Variants in ADPRHL1 observed in about 807,000 individuals in gnomAD.
ADPRHL1 encodes inactive ADP-ribosyltransferase ARH2.
ADPRHL1 carries 43 observed loss-of-function variants against 44.1 expected under a neutral mutation model. The ratio of observed to expected loss-of-function variants is 0.98; its 90% CI spans 0.76 to 1.26. The LOEUF (loss-of-function observed/expected upper bound fraction) is 1.26, where lower values mean the gene tolerates loss of function less well. ADPRHL1 is among the 50% of genes most tolerant of loss of function. ADPRHL1 has a pLI of 0.00. For synonymous variants in ADPRHL1, 878 were observed against 1,017.4 expected (o/e 0.86, Z 2.61); for missense variants, 2,022 against 2,496.9 (o/e 0.81, Z 4.05).
rs2043794141 is a variant in ADPRHL1, at chr13:113,404,771, G to C, written c.4511C>G (p.Ala1504Gly). 5 of 1,269,968 alleles carry C rather than the reference G, an allele frequency of 3.9e-6. No homozygotes were observed. The East Asian group carries it at 1.3e-4, about 32-fold the overall frequency. 78.7% of individuals were successfully genotyped at this position (1,269,968 alleles called of 1,614,324 possible). A position where few individuals can be genotyped will look rare whatever the true frequency, so the allele number is the denominator to read the frequency against. Residue 1504 changes from alanine (A) to glycine (G), a missense_variant, in exon 8 of 8, where the codon GCT (alanine) becomes GGT (glycine). By Grantham distance (60) the Ala-to-Gly change is moderately conservative. Transcript: ENST00000612156. ...EWDRGQVQGH[A>G]QEQAQWQTQI... ...GGTCTGCCACTGGGCCTGTTCTTGA[G>C]CGTGTCCCTGAACCTGTCCCCGGTC...
rs2043794329 is a variant in ADPRHL1 at position 113,404,784 on chromosome 13, C to T, written c.4498G>A (p.Val1500Ile). 1 of 1,258,662 alleles carries T rather than the reference C, an allele frequency of 7.9e-7. No individual in the cohort carries two copies. The highest frequency in any genetic ancestry group is 1.5e-5 in the African/African-American group (1 of 64,604). The allele number at this position is 1,258,662 out of a possible 1,614,324, so 78.0% of individuals were successfully genotyped here. ...GCCTGTTCTTGAGCGTGTCCCTGAA[C>T]CTGTCCCCGGTCCCATTCCTGAACC... ...KQVQEWDRGQ[V>I]QGHAQEQAQW... The change falls in exon 8 of 8, where the codon GTT becomes ATT. Residue 1500 changes from valine to isoleucine, a missense_variant. Physicochemically the swap from Val to Ile is conservative, Grantham distance 29 (BLOSUM62 3). Around this residue, in one of 8 missense-constraint regions of ADPRHL1, gnomAD observed 1,221 missense variants for 1,517.8 expected, o/e 0.80. Coordinates refer to ENST00000612156, the MANE Select transcript of ADPRHL1 (RefSeq NM_001394807.1).
rs2043756418 is a variant in ADPRHL1 at position 113,400,921 on chromosome 13, A to C, written c.*2457T>G. On this transcript the variant is annotated 3_prime_UTR_variant, in exon 8 of 8. Coordinates refer to ENST00000612156, the MANE Select transcript of ADPRHL1 (RefSeq NM_001394807.1). ...ATCATTTTTTCCACCACTTAAAATAAAACCACTCAATGCCTTCTCCAGTGT... is the reference window on the plus strand; with the variant it reads ...ATCATTTTTTCCACCACTTAAAATACAACCACTCAATGCCTTCTCCAGTGT... 1 of 152,242 alleles carries C rather than the reference A, an allele frequency of 6.6e-6. No homozygotes were observed. The highest frequency in any genetic ancestry group is 1.5e-5 in the Non-Finnish European group (1 of 68,046). 9.4% of individuals were successfully genotyped at this position (152,242 alleles called of 1,614,324 possible).
chr13:113,446,965 T>C (rs1331847457), intron 1 of ADPRHL1, among the ~76,000 whole-genome samples: 1 of 147,812 alleles, frequency 6.8e-6, no homozygotes, highest in Non-Finnish European at 1.5e-5. Flanking sequence ...GTGTTGTGTG[T>C]GCATGGTGTC....
intron 7 of ADPRHL1, among the ~76,000 whole-genome samples, chr13:113,415,750 CAAA>C (rs71214119): frequency 6.3e-5 from 4 of 63,044 alleles, no homozygotes; most frequent in East Asian, 5.0e-4. Flanking sequence ...GACTCCATCT[CAAA>C]AAAAAAAAAA....
intron 7 of ADPRHL1, among the ~76,000 whole-genome samples, chr13:113,419,244 C>G (rs1363443987): frequency 6.8e-6 from 1 of 146,222 alleles, no homozygotes; most frequent in Non-Finnish European, 1.5e-5. Flanking sequence ...GGAGCTGGGA[C>G]TACAGGCGCC....
rs2044098364 is a variant in ADPRHL1, at chr13:113,441,528, C to T, written c.379+2897G>A. ...GAACCTCACCGTCATCGGCTTCCAT[C>T]TCTCCCCTGCTAGCCTTCGTGCTAT... On this transcript the variant is annotated intron_variant, in intron 2 of 7. Coordinates refer to ENST00000612156, the MANE Select transcript of ADPRHL1 (RefSeq NM_001394807.1). The surrounding 1 kb of genome is among the most constrained non-coding windows in gnomAD (Gnocchi z 6.0). Among the ~76,000 whole-genome samples the T allele has an allele frequency of 2.0e-5, 3 of 152,202 alleles. No individual in the cohort carries two copies. In the South Asian group the frequency reaches 6.2e-4, roughly 32 times the overall value.
chr13:113,431,655 AC>A (rs2044008246), intron 3 of ADPRHL1, among the ~76,000 whole-genome samples: 3 of 152,180 alleles, frequency 2.0e-5, no homozygotes, highest in East Asian at 1.9e-4. Flanking sequence ...ATAAAATCAA[AC>A]CCTTAAAACA....
chr13:113,408,871 GGAGGGGGCTGCAGAGAGGAGGGAAA>G (rs2043829153), intron 7 of ADPRHL1, among the ~76,000 whole-genome samples: 1 of 150,828 alleles, frequency 6.6e-6, no homozygotes, highest in African/African-American at 2.4e-5. Context: ...GAGGAAGGGA[GGAGGGGGCTGCAGAGAGGAGGGAAA>G]GATGGGGCTA....
In ADPRHL1 at chr13:113,410,720, G is replaced by A. The variant is rs550404741; in HGVS notation, c.1062-2500C>T. On this transcript the variant is annotated intron_variant, in intron 7 of 7. Coordinates refer to ENST00000612156, the MANE Select transcript of ADPRHL1 (RefSeq NM_001394807.1). ...CCCACACCCCCCTGAACCCAGAGTCGACAGGCGCACCCTCAACTGCGCCGT... is the reference window on the plus strand; with the variant it reads ...CCCACACCCCCCTGAACCCAGAGTCAACAGGCGCACCCTCAACTGCGCCGT... Among the ~76,000 whole-genome samples the A allele has an allele frequency of 4.1e-3, 620 of 152,228 alleles. 2 individuals carry two copies. The highest frequency in any genetic ancestry group is 0.01 in the Middle Eastern group (3 of 294).
Position 113,428,990 on chromosome 13 carries a change from G to C in ADPRHL1, c.608C>G (p.Ala203Gly). The change falls in exon 4 of 8, where the codon GCA becomes GGA. Residue 203 changes from alanine to glycine, a missense_variant. Ala to Gly is a moderately conservative substitution (Grantham distance 60). Transcript: ENST00000612156. Reference protein sequence around the residue: ...GRDMLRAVPLAEEYCRKTIRH... With the variant: ...GRDMLRAVPLGEEYCRKTIRH... Reference sequence around the variant, plus strand: ...GATGGTCTTCCTGCAGTACTCTTCTGCCAGAGGCACCGCCCGCAGCATGTC... The same window carrying C: ...GATGGTCTTCCTGCAGTACTCTTCTCCCAGAGGCACCGCCCGCAGCATGTC... The C allele has an allele frequency of 1.2e-6, 2 of 1,612,804 alleles. No individual in the cohort carries two copies. The highest frequency in any genetic ancestry group is 1.7e-6 in the Non-Finnish European group (2 of 1,180,006).
chr13:113,429,320 C>T (rs2043990526), intron 3 of ADPRHL1, among the ~76,000 whole-genome samples: 1 of 152,246 alleles, frequency 6.6e-6, no homozygotes. Flanking sequence ...CCCCACTCCA[C>T]TCACCCCACC....
At chr13:113,451,040 G>A (rs1483770943) in intron 1 of ADPRHL1, among the ~76,000 whole-genome samples, 1 of 151,966 alleles carries the variant, frequency 6.6e-6, no homozygotes, top group Non-Finnish European at 1.5e-5. Flanking sequence ...CCTGGTAACG[G>A]GCGTCTTCCC....
At chr13:113,427,521 G>A (rs1358673895) in intron 4 of ADPRHL1, among the ~76,000 whole-genome samples, 2 of 151,646 alleles carry the variant, frequency 1.3e-5, no homozygotes, top group Admixed American at 6.6e-5. Flanking sequence ...GAGCCACCAC[G>A]CCCGGCCTCT....
rs576483456 is a variant in ADPRHL1, at chr13:113,415,759, A to G, written c.1061+7067T>C. On this transcript the variant is annotated intron_variant, in intron 7 of 7. Coordinates refer to ENST00000612156, the MANE Select transcript of ADPRHL1 (RefSeq NM_001394807.1). ...GAGTGAGACTCCATCTCAAAAAAAAAAAAAAAAAAAAAGAGAGAGAGAGAG... is the reference window on the plus strand; with the variant it reads ...GAGTGAGACTCCATCTCAAAAAAAAGAAAAAAAAAAAAGAGAGAGAGAGAG... Among the ~76,000 whole-genome samples the G allele has an allele frequency of 3.8e-3, 540 of 142,836 alleles. 16 individuals are homozygous for G. The East Asian group carries it at 0.073, about 19-fold the overall frequency. 93.7% of individuals were successfully genotyped at this position (142,836 alleles called of 152,430 possible). A position where few individuals can be genotyped will look rare whatever the true frequency, so the allele number is the denominator to read the frequency against.
intron 7 of ADPRHL1, among the ~76,000 whole-genome samples, chr13:113,413,972 C>T (rs1595539900): frequency 6.6e-6 from 1 of 152,366 alleles, no homozygotes; most frequent in African/African-American, 2.4e-5. Flanking sequence ...CCCGGGCCCA[C>T]CATGATATGG....
At position 113,406,838 on chromosome 13, in the gene ADPRHL1, T is replaced by G; in HGVS notation, c.2444A>C (p.Lys815Thr). 2 of 1,232,098 alleles carry G rather than the reference T, an allele frequency of 1.6e-6. No homozygotes were observed. Among genetic ancestry groups the G allele is most frequent in the Non-Finnish European group, 2.0e-6 (2 of 988,068 alleles). 76.3% of individuals were successfully genotyped at this position (1,232,098 alleles called of 1,614,324 possible). A position where few individuals can be genotyped will look rare whatever the true frequency, so the allele number is the denominator to read the frequency against. Residue 815 changes from lysine to threonine, a missense_variant, in exon 8 of 8, where the codon AAG becomes ACG. Lys to Thr is a moderately conservative substitution (Grantham distance 78). This residue lies in a region of ADPRHL1 where 1,221 missense variants were observed against 1,517.8 expected (regional missense o/e 0.80). Coordinates refer to ENST00000612156, the MANE Select transcript of ADPRHL1 (RefSeq NM_001394807.1). ...FATQKYFPEQ[K>T]VPEHIPPLNA... ...CAGGGGTGGGATGTGCTCCGGCACC[T>G]TCTGTTCTGGGAAATACTTCTGGGT...
At chr13:113,446,026 G>A (rs1056862294) in intron 1 of ADPRHL1, among the ~76,000 whole-genome samples, 7 of 150,240 alleles carry the variant, frequency 4.7e-5, no homozygotes, top group East Asian at 2.0e-4. Flanking sequence ...GGGGCCCAGC[G>A]GCTGCAAACC....
intron 6 of ADPRHL1, 46 bp downstream of exon 6, chr13:113,424,171 A>T (rs779967179): frequency 6.2e-7 from 1 of 1,607,492 alleles, no homozygotes; most frequent in African/African-American, 1.3e-5. Flanking sequence ...CTTCAGAAGA[A>T]GGGTGCTACC....
chr13:113,410,298 T>C (rs2043842639), intron 7 of ADPRHL1, among the ~76,000 whole-genome samples: 1 of 152,134 alleles, frequency 6.6e-6, no homozygotes, highest in Non-Finnish European at 1.5e-5. Flanking sequence ...CAAGAGGCCT[T>C]GCTGAGACCC....
Sources: allele counts gnomAD v4.1 joint callset (sites outside exome capture counted in the v4.1 genomes callset), GRCh38; gene constraint gnomAD v4.1.1; regional missense constraint gnomAD v4.1.1; non-coding constraint Gnocchi (gnomAD v3.1); transcripts MANE v1.5; gene names NCBI Gene and HGNC (gene_info 2026-07-23, HGNC 2026-07-21).